NRG1: variants seen among roughly 807,000 people sequenced by gnomAD.
The protein encoded by NRG1 is pro-neuregulin-1, membrane-bound isoform.
A neutral mutation model predicts 63.8 loss-of-function variants in NRG1; 18 were observed. The observed-to-expected ratio is 0.28, with a 90% confidence interval of 0.19 to 0.42. NRG1 has a LOEUF of 0.42. Ranked by LOEUF, NRG1 falls within the 10% of genes least tolerant of loss-of-function variation. The pLI is 1.00. For synonymous variants in NRG1, 302 were observed against 301.3 expected, an observed-to-expected ratio of 1.00 and a Z score of -0.02; for missense variants, 762 against 814.7, an observed-to-expected ratio of 0.94 and a Z score of 0.79.
chr8:32,053,511 G>A (rs1822329547), intron 1 of NRG1, among the ~76,000 whole-genome samples: 1 of 152,076 alleles, frequency 6.6e-6, no homozygotes, highest in Non-Finnish European at 1.5e-5. Flanking sequence ...CAGGATGAGG[G>A]GGTCATGTTT....
At chr8:31,943,259 T>C (rs1417985665) in intron 1 of NRG1, among the ~76,000 whole-genome samples, 1 of 152,172 alleles carries the variant, frequency 6.6e-6, no homozygotes. Context: ...TGGAGATTAT[T>C]ATTCTAATTG....
At chr8:31,904,468 G>A (rs1445739019) in intron 1 of NRG1, among the ~76,000 whole-genome samples, 3 of 152,206 alleles carry the variant, frequency 2.0e-5, no homozygotes, top group African/African-American at 7.2e-5. Flanking sequence ...CTCAGCTACT[G>A]TGGAAAGCAG....
chr8:32,671,897 T>A (rs1305285147), intron 5 of NRG1, among the ~76,000 whole-genome samples: 3 of 152,208 alleles, frequency 2.0e-5, no homozygotes. Context: ...GAAAAAGTCT[T>A]CATTTTTGTG....
rs1822908689 is a variant in NRG1, at chr8:31,811,758, A to T, written c.37+172327A>T. On this transcript the variant is annotated intron_variant, in intron 1 of 10. Transcript: ENST00000519301. ...TTGTTTAGAATGGGTTTGAGGGTGG[A>T]AAAGTTTATTAAGAGATTGTAATTT... Among the ~76,000 whole-genome samples the T allele has an allele frequency of 7.9e-5, 12 of 152,180 alleles. 1 individual carries two copies. Among genetic ancestry groups the T allele is most frequent in the Admixed American group, 7.9e-4 (12 of 15,270 alleles).
intron 1 of NRG1, among the ~76,000 whole-genome samples, chr8:31,663,406 A>G (rs189761603): frequency 1.3e-5 from 2 of 152,258 alleles, no homozygotes; most frequent in African/African-American, 4.8e-5. Context: ...TGTGGAATCA[A>G]CACCCTTCCT....
intron 1 of NRG1, among the ~76,000 whole-genome samples, chr8:31,898,399 T>C (rs907909374): frequency 6.6e-6 from 1 of 152,214 alleles, no homozygotes; most frequent in Non-Finnish European, 1.5e-5. Flanking sequence ...ATAACTATAG[T>C]ACATCTGTTT....
chr8:32,036,797 C>T (rs1203195625), intron 1 of NRG1, among the ~76,000 whole-genome samples: 1 of 152,098 alleles, frequency 6.6e-6, no homozygotes, highest in East Asian at 1.9e-4. Context: ...CATTTCTGTC[C>T]TCTCTGAGCT....
chr8:32,159,455 A>AC (rs781261304), intron 1 of NRG1, among the ~76,000 whole-genome samples: 1 of 148,010 alleles, frequency 6.8e-6, no homozygotes, highest in Non-Finnish European at 1.5e-5. Flanking sequence ...AATGGCGTGA[A>AC]CCCAGGAAGC....
At chr8:32,172,615 C>A (rs1310831073) in intron 1 of NRG1, among the ~76,000 whole-genome samples, 2 of 151,916 alleles carry the variant, frequency 1.3e-5, no homozygotes, top group Non-Finnish European at 2.9e-5. Context: ...GAATGGCTAA[C>A]TAGAATAACC....
chr8:32,544,790 A>C (rs1832919523), upstream of NRG1, among the ~76,000 whole-genome samples: 1 of 140,582 alleles, frequency 7.1e-6, no homozygotes, highest in African/African-American at 2.7e-5. Flanking sequence ...CTGAAAGTGT[A>C]AGAATTACAG....
intron 1 of NRG1, among the ~76,000 whole-genome samples, chr8:32,369,243 C>T (rs562875577): frequency 1.3e-5 from 2 of 152,326 alleles, no homozygotes; most frequent in African/African-American, 4.8e-5. Flanking sequence ...TCTCTCCTTT[C>T]CTATTACTGG....
At chr8:32,091,466 G>T (rs1303293856) in intron 1 of NRG1, among the ~76,000 whole-genome samples, 1 of 152,134 alleles carries the variant, frequency 6.6e-6, no homozygotes, top group Non-Finnish European at 1.5e-5. Flanking sequence ...TTGATATTGT[G>T]AACTTTACAT....
intron 7 of NRG1, among the ~76,000 whole-genome samples, chr8:32,751,677 T>C (rs1317713694): frequency 6.6e-6 from 1 of 152,202 alleles, no homozygotes; most frequent in Non-Finnish European, 1.5e-5. Flanking sequence ...GTCTGTATTC[T>C]ATGGGCCTTC....
At chr8:32,228,626 C>T (rs1011613213) in intron 1 of NRG1, among the ~76,000 whole-genome samples, 9 of 152,154 alleles carry the variant, frequency 5.9e-5, no homozygotes, top group African/African-American at 2.4e-5. Context: ...TTCAGTAAAT[C>T]GATTTTCCTC....
At chr8:32,310,469 T>A (rs1004020390) in intron 1 of NRG1, among the ~76,000 whole-genome samples, 3 of 152,152 alleles carry the variant, frequency 2.0e-5, no homozygotes, top group Admixed American at 2.0e-4. Context: ...TGAGGAAATT[T>A]AGGGTTCAGA....
At chr8:31,639,756 T>A (rs1803548707) in intron 1 of NRG1, 2 of 1,366,924 alleles carry the variant, frequency 1.5e-6, no homozygotes, top group South Asian at 1.7e-5. Context: ...TTGCCTTTTT[T>A]TTTTTTGCCC....
At chr8:32,139,704 C>G (rs1407467893) in intron 1 of NRG1, among the ~76,000 whole-genome samples, 2 of 152,064 alleles carry the variant, frequency 1.3e-5, no homozygotes, top group Non-Finnish European at 2.9e-5. Flanking sequence ...TCAGAAGCCA[C>G]CACTAAAGGA....
At chr8:32,425,915 T>C (rs1290208178) in intron 1 of NRG1, among the ~76,000 whole-genome samples, 1 of 152,136 alleles carries the variant, frequency 6.6e-6, no homozygotes, top group Non-Finnish European at 1.5e-5. Flanking sequence ...AATACGTCCT[T>C]TGCTAGAAAC....
Position 31,958,080 on chromosome 8 carries a change from T to TAGATAGATAGATAGATAGAC in NRG1, c.37+318652_37+318653insTAGATAGATAGATAGACAGA, listed in dbSNP as rs781754647. ...ATAGATAGATAGATAGATAGATAGA[T>TAGATAGATAGATAGATAGAC]AGACAGACAGATAGATAGGCAGAGA... On this transcript the variant is annotated intron_variant, in intron 1 of 10. Coordinates refer to the NRG1 transcript ENST00000519301. 3.6e-4 allele frequency among the ~76,000 whole-genome samples: 54 copies of TAGATAGATAGATAGATAGAC among 151,790 alleles called. No homozygotes were observed. In the East Asian group the frequency reaches 5.8e-3, roughly 16 times the overall value.
Sources: allele counts gnomAD v4.1 joint callset (sites outside exome capture counted in the v4.1 genomes callset), GRCh38; gene constraint gnomAD v4.1.1; transcripts MANE v1.5; gene names NCBI Gene and HGNC (gene_info 2026-07-23, HGNC 2026-07-21).